Variants in IRAK1BP1 observed in about 807,000 individuals in gnomAD.
IRAK1BP1 encodes interleukin-1 receptor-associated kinase 1-binding protein 1.
Under a neutral mutation model 28.0 loss-of-function variants are expected in IRAK1BP1, and 24 were observed. The ratio of observed to expected loss-of-function variants is 0.86; its 90% CI spans 0.62 to 1.20. The LOEUF (loss-of-function observed/expected upper bound fraction) is 1.20, where lower values mean the gene tolerates loss of function less well. IRAK1BP1 is among the 50% of genes most tolerant of loss of function. The pLI, the probability that IRAK1BP1 is intolerant of heterozygous loss-of-function variation, is 0.00. For synonymous variants in IRAK1BP1, 131 were observed against 116.3 expected (o/e 1.13, Z -0.81); for missense variants, 336 against 316.7 (o/e 1.06, Z -0.46).
intron 2 of IRAK1BP1, among the ~76,000 whole-genome samples, chr6:78,886,699 T>C (rs1239427338): frequency 6.6e-6 from 1 of 152,160 alleles, no homozygotes; most frequent in Non-Finnish European, 1.5e-5. Context: ...TTCCAGAAAC[T>C]ACACAGCCAG....
chr6:78,871,871 T>C lies in IRAK1BP1; in HGVS notation c.315+3980T>C. ...GCTATTGATACCACTACTTGTATCCTTTGGCACTTCACATTTGTGTGCATG... is the reference window on the plus strand; with the variant it reads ...GCTATTGATACCACTACTTGTATCCCTTGGCACTTCACATTTGTGTGCATG... On this transcript the variant is annotated intron_variant, in intron 1 of 3. Coordinates refer to ENST00000369940, the MANE Select transcript of IRAK1BP1 (RefSeq NM_001010844.4). 3 of 508,784 alleles carry C rather than the reference T, an allele frequency of 5.9e-6. No individual in the cohort carries two copies. The South Asian group carries it at 9.7e-5, about 17-fold the overall frequency. 31.5% of individuals were successfully genotyped at this position (508,784 alleles called of 1,614,324 possible). A position where few individuals can be genotyped will look rare whatever the true frequency, so the allele number is the denominator to read the frequency against.
chr6:78,892,052 A>G (rs1771683070), intron 2 of IRAK1BP1, among the ~76,000 whole-genome samples: 1 of 152,214 alleles, frequency 6.6e-6, no homozygotes, highest in Non-Finnish European at 1.5e-5. Flanking sequence ...AAATTGACTC[A>G]CTAGTAGCCA....
At chr6:78,869,317 C>CG (rs1433920420) in intron 1 of IRAK1BP1, among the ~76,000 whole-genome samples, 1 of 152,016 alleles carries the variant, frequency 6.6e-6, no homozygotes, top group Non-Finnish European at 1.5e-5. Flanking sequence ...GCCAGGAGTT[C>CG]GAGACCAGCC....
At chr6:78,944,716 T>C (rs755523510) in intron 4 of IRAK1BP1, among the ~76,000 whole-genome samples, 18 of 152,210 alleles carry the variant, frequency 1.2e-4, no homozygotes, top group Non-Finnish European at 1.8e-4. Flanking sequence ...AATGAAGAAA[T>C]GTCTTAGACA....
intron 4 of IRAK1BP1, among the ~76,000 whole-genome samples, chr6:78,917,325 C>T (rs1772587301): frequency 6.6e-6 from 1 of 151,698 alleles, no homozygotes; most frequent in South Asian, 2.1e-4. Flanking sequence ...GAAAAAAATT[C>T]AGATTTCGAA....
intron 4 of IRAK1BP1, among the ~76,000 whole-genome samples, chr6:78,911,461 G>A (rs779974025): frequency 1.3e-5 from 2 of 152,082 alleles, no homozygotes; most frequent in African/African-American, 4.8e-5. Context: ...CATCCCCATT[G>A]CCTCACCAGT....
At chr6:78,959,755 T>G in the IRAK1BP1 span, among the ~76,000 whole-genome samples, 1 of 152,262 alleles carries the variant, frequency 6.6e-6, no homozygotes, top group Non-Finnish European at 1.5e-5. Context: ...ACTAGGGTAA[T>G]GCCAAAAGCC....
At chr6:78,922,731 G>A (rs1042144011) in intron 4 of IRAK1BP1, among the ~76,000 whole-genome samples, 2 of 152,178 alleles carry the variant, frequency 1.3e-5, no homozygotes, top group Non-Finnish European at 2.9e-5. Context: ...TCTCTCGGCA[G>A]AAACTCTACA....
rs982651030 is a variant in IRAK1BP1, at chr6:78,887,768, A to T, written c.381+2325A>T. 6.9e-5 allele frequency among the ~76,000 whole-genome samples: 9 copies of T among 131,170 alleles called. No individual in the cohort carries two copies. In the Admixed American group the frequency reaches 7.0e-4, roughly 10 times the overall value. 86.1% of individuals were successfully genotyped at this position (131,170 alleles called of 152,430 possible). A position where few individuals can be genotyped will look rare whatever the true frequency, so the allele number is the denominator to read the frequency against. ...GCCCTGCAGGTGGGAATGTATGATG[A>T]TGTAACCATTATGGAAAACAGTATA... On this transcript the variant is annotated intron_variant, in intron 2 of 3. Coordinates refer to ENST00000369940, the MANE Select transcript of IRAK1BP1 (RefSeq NM_001010844.4).
intron 4 of IRAK1BP1, chr6:78,940,966 G>T (rs930842042): frequency 6.2e-7 from 1 of 1,613,586 alleles, no homozygotes; most frequent in Non-Finnish European, 8.5e-7. Context: ...CACTTGCAGG[G>T]ACTAGGAGAT....
Position 78,898,311 on chromosome 6 carries a change from G to T in IRAK1BP1, c.760G>T (p.Glu254Ter). Residue 254 changes from glutamate (E) to a stop codon, truncating the protein, a stop_gained, in exon 4 of 4, where the codon GAG (glutamate) becomes TAG (stop). Transcript: ENST00000369940. LOFTEE classifies it high-confidence loss of function. ...VFITFEVKGKEKRKKHL is the reference protein window; with the variant it reads ...VFITFEVKGK ...TATAACTTTTGAGGTAAAGGGAAAA[G>T]AGAAGAGAAAAAAGCACCTTTGAAA... is the stretch of plus-strand genomic sequence containing the variant. 6.3e-7 allele frequency: 1 copy of T among 1,576,238 alleles called. No homozygotes were observed.
At chr6:78,946,549 T>C, downstream of IRAK1BP1, 3 of 1,383,898 alleles carry the variant, frequency 2.2e-6, no homozygotes, top group Non-Finnish European at 2.8e-6. Flanking sequence ...CTAGTATAGC[T>C]TTAGTTAAAA....
At chr6:78,933,032 T>A (rs1307979467) in intron 4 of IRAK1BP1, among the ~76,000 whole-genome samples, 2 of 152,058 alleles carry the variant, frequency 1.3e-5, no homozygotes, top group East Asian at 1.9e-4. Context: ...TAGGGTAGAT[T>A]TAATATAATT....
chr6:78,946,633 A>G, downstream of IRAK1BP1: 1 of 1,470,246 alleles, frequency 6.8e-7, no homozygotes, highest in Non-Finnish European at 8.9e-7. Context: ...TAGTAAAGGA[A>G]GTATTAAAAA....
At position 78,940,995 on chromosome 6, in the gene IRAK1BP1, T is replaced by C. The variant is rs1389919860; in HGVS notation, c.*68-4413T>C. 10 of 1,613,928 alleles carry C rather than the reference T, an allele frequency of 6.2e-6. No individual in the cohort carries two copies. Among genetic ancestry groups the C allele is most frequent in the Non-Finnish European group, 8.5e-6 (10 of 1,179,928 alleles). On this transcript the variant is annotated intron_variant and NMD_transcript_variant, in intron 4 of 4. Coordinates refer to the IRAK1BP1 transcript ENST00000606868. ...AGGAGATCTGCATCTAATTTTTGTG[T>C]CTTCATCTTCCTTTTGGGCTTCCTA...
At chr6:78,955,863 T>C in the IRAK1BP1 span, 1 of 348,528 alleles carries the variant, frequency 2.9e-6, no homozygotes, top group East Asian at 4.4e-5. Flanking sequence ...CCACTCTATG[T>C]AGAGCTTTCA....
At chr6:78,969,646 G>A in the IRAK1BP1 span, among the ~76,000 whole-genome samples, 98 of 151,952 alleles carry the variant, frequency 6.4e-4, 1 homozygote, top group South Asian at 8.3e-3. Context: ...TTTCAACATC[G>A]ACTGTTTTCA....
chr6:78,884,583 A>T (rs1448410648), intron 1 of IRAK1BP1, among the ~76,000 whole-genome samples: 1 of 152,116 alleles, frequency 6.6e-6, no homozygotes, highest in Non-Finnish European at 1.5e-5. Flanking sequence ...ACTTTTGGTG[A>T]GTGCCTTCTC....
chr6:78,873,059 C>G (rs1770845664), intron 1 of IRAK1BP1, among the ~76,000 whole-genome samples: 1 of 151,716 alleles, frequency 6.6e-6, no homozygotes, highest in African/African-American at 2.4e-5. Flanking sequence ...AGTTCAAGGC[C>G]AGCCTAGCTA....
Sources: allele counts gnomAD v4.1 joint callset (sites outside exome capture counted in the v4.1 genomes callset), GRCh38; gene constraint gnomAD v4.1.1; transcripts MANE v1.5; gene names NCBI Gene and HGNC (gene_info 2026-07-23, HGNC 2026-07-21).